Variants in SRPK2 observed in about 807,000 individuals in gnomAD.
SRPK2 encodes SFRS protein kinase 2.
In SRPK2, 21 loss-of-function variants were observed where a neutral mutation model predicts 90.8. That is an observed-to-expected ratio of 0.23 (90% CI 0.16 to 0.33). SRPK2 has a LOEUF of 0.33. Among genes scored for constraint, SRPK2 ranks in the 10% least tolerant of loss-of-function variants. The probability of loss-of-function intolerance (pLI) is 1.00; values close to 1 mark genes in which losing one functional copy is unlikely to be tolerated. For missense variants in SRPK2, 620 were observed against 869.0 expected (o/e 0.71, Z 3.60); for synonymous variants, 288 against 311.1 (o/e 0.93, Z 0.78).
intron 2 of SRPK2, among the ~76,000 whole-genome samples, chr7:105,321,493 ACTTTTCTGCATCAAATGACAT>A (rs1255566475): frequency 1.3e-5 from 2 of 152,318 alleles, no homozygotes; most frequent in African/African-American, 4.8e-5. Flanking sequence ...AAAATTAAAA[ACTTTTCTGCATCAAATGACAT>A]TATCAGGAAA....
chr7:105,281,773 A>G (rs908594718), intron 2 of SRPK2, among the ~76,000 whole-genome samples: 1 of 152,214 alleles, frequency 6.6e-6, no homozygotes, highest in Admixed American at 6.5e-5. Context: ...CAAGGCTTGT[A>G]CACTGAAAAC....
At chr7:105,319,464 T>C (rs1812658772) in intron 2 of SRPK2, among the ~76,000 whole-genome samples, 1 of 139,400 alleles carries the variant, frequency 7.2e-6, no homozygotes, top group Non-Finnish European at 1.5e-5. Context: ...TTTTTAGTTT[T>C]TATTTTCAAC....
chr7:105,157,577 A>G (rs554854871), intron 7 of SRPK2, among the ~76,000 whole-genome samples: 2 of 152,194 alleles, frequency 1.3e-5, no homozygotes, highest in African/African-American at 4.8e-5. Flanking sequence ...AGATTCCATG[A>G]TAATATTTTT....
At chr7:105,342,632 A>G (rs1815960226) in intron 2 of SRPK2, among the ~76,000 whole-genome samples, 2 of 152,084 alleles carry the variant, frequency 1.3e-5, no homozygotes, top group Admixed American at 1.3e-4. Flanking sequence ...TAAACTCAAC[A>G]CATACCAAAT....
At chr7:105,388,977 C>CGG, upstream of SRPK2, 2 of 1,074,872 alleles carry the variant, frequency 1.9e-6, no homozygotes, top group Non-Finnish European at 2.2e-6. Context: ...CGCCCCCGTC[C>CGG]GGCCCCGCCC....
rs56137233 is a variant in SRPK2 at position 105,285,427 on chromosome 7, G to C, written c.72-81642C>G. Among the ~76,000 whole-genome samples the C allele has an allele frequency of 3.4e-3, 493 of 144,566 alleles. 1 individual carries two copies. The highest frequency in any genetic ancestry group is 0.012 in the African/African-American group (461 of 38,808). The allele number at this position is 144,566 out of a possible 152,430, so 94.8% of individuals were successfully genotyped here. Reference sequence around the variant, plus strand: ...AAAAAAGGAAAAGGAAAAGAAAAAAGAAACAGCATTTTAAGCATGAAACAG... The same window carrying C: ...AAAAAAGGAAAAGGAAAAGAAAAAACAAACAGCATTTTAAGCATGAAACAG... On this transcript the variant is annotated intron_variant, in intron 2 of 15. Transcript: ENST00000393651.
chr7:105,257,808 A>G (rs1453197338), intron 2 of SRPK2, among the ~76,000 whole-genome samples: 1 of 152,196 alleles, frequency 6.6e-6, no homozygotes, highest in African/African-American at 2.4e-5. Context: ...TTATTTTAAG[A>G]AATTTAAAAA....
intron 2 of SRPK2, among the ~76,000 whole-genome samples, chr7:105,277,710 T>G (rs376314229): frequency 2.6e-5 from 4 of 152,168 alleles, no homozygotes; most frequent in Non-Finnish European, 5.9e-5. Context: ...AAAATCATCA[T>G]TGGTAAACTG....
At chr7:105,338,196 G>GA (rs1194454585) in intron 2 of SRPK2, among the ~76,000 whole-genome samples, 2 of 151,862 alleles carry the variant, frequency 1.3e-5, no homozygotes, top group African/African-American at 4.8e-5. Flanking sequence ...AAGGTGAGTA[G>GA]AAACTTTACC....
Position 105,325,486 on chromosome 7 carries a change from CAA to C in SRPK2, c.71+63160_71+63161del, listed in dbSNP as rs33959633. Among the ~76,000 whole-genome samples, 8 of 86,104 alleles carry C rather than the reference CAA, an allele frequency of 9.3e-5. No homozygotes were observed. In the East Asian group the frequency reaches 1.7e-3, roughly 19 times the overall value. 56.5% of individuals were successfully genotyped at this position (86,104 alleles called of 152,430 possible). ...GAACTAAGACTAGAAACCAAGTCTT[CAA>C]AAAAAAAAAAAAAAAATGATGTCCA... On this transcript the variant is annotated intron_variant, in intron 2 of 15. Coordinates refer to ENST00000393651, the MANE Select transcript of SRPK2 (RefSeq NM_182692.3).
intron 3 of SRPK2, among the ~76,000 whole-genome samples, chr7:105,170,934 G>GAAAGAAAGAAAGAAA (rs1213885011): frequency 1.4e-4 from 4 of 29,152 alleles, no homozygotes; most frequent in Admixed American, 4.3e-4. Flanking sequence ...AAAAGAAAAA[G>GAAAGAAAGAAAGAAA]GAAAGAAAGA....
intron 13 of SRPK2, among the ~76,000 whole-genome samples, chr7:105,129,485 C>T (rs1023874618): frequency 6.6e-6 from 1 of 152,190 alleles, no homozygotes; most frequent in Middle Eastern, 3.4e-3. Context: ...AGCGATTCTC[C>T]TGCCTCAGCC....
At position 105,132,984 on chromosome 7, in the gene SRPK2, A is replaced by G. The variant is rs779262061; in HGVS notation, c.1644+20T>C. On this transcript the variant is annotated intron_variant, in intron 12 of 15. Transcript: ENST00000393651. ...ACACAGAATCAAGACCAAAGGTTTT[A>G]GAAAGAAAACTCTACTTACCACCCA... The G allele has an allele frequency of 4.2e-5, 67 of 1,613,892 alleles. No homozygotes were observed. The Admixed American group carries it at 1.1e-3, about 26-fold the overall frequency.
intron 2 of SRPK2, among the ~76,000 whole-genome samples, chr7:105,381,555 T>C (rs1820956136): frequency 6.6e-6 from 1 of 152,180 alleles, no homozygotes; most frequent in African/African-American, 2.4e-5. Flanking sequence ...TGTCCTGCAA[T>C]GGTCTTTTCA....
intron 2 of SRPK2, among the ~76,000 whole-genome samples, chr7:105,323,718 G>C (rs563666980): frequency 2.6e-5 from 4 of 152,162 alleles, no homozygotes; most frequent in African/African-American, 7.2e-5. Flanking sequence ...ATTCTAAGAA[G>C]AACAAAGTGG....
At chr7:105,316,709 G>A (rs1308105785) in intron 2 of SRPK2, among the ~76,000 whole-genome samples, 1 of 152,176 alleles carries the variant, frequency 6.6e-6, no homozygotes, top group Non-Finnish European at 1.5e-5. Context: ...ACAAGGATAG[G>A]ACAAAGTTAC....
chr7:105,232,458 T>TAAAAAAAAAAAAAAAAAAAAAA (rs10533429), intron 2 of SRPK2, among the ~76,000 whole-genome samples: 5 of 132,062 alleles, frequency 3.8e-5, no homozygotes, highest in African/African-American at 1.4e-4. Flanking sequence ...AAACCTTATC[T>TAAAAAAAAAAAAAAAAAAAAAA]AAAAAAAAAA....
intron 2 of SRPK2, among the ~76,000 whole-genome samples, chr7:105,317,386 A>G (rs1163247134): frequency 1.3e-5 from 2 of 152,226 alleles, no homozygotes; most frequent in African/African-American, 4.8e-5. Context: ...TTCATATTCT[A>G]TGTGCTAAAA....
intron 2 of SRPK2, among the ~76,000 whole-genome samples, chr7:105,364,404 C>T (rs1211914582): frequency 1.7e-5 from 2 of 116,354 alleles, no homozygotes; most frequent in Non-Finnish European, 1.8e-5. Context: ...CCGTGTGTAA[C>T]GTTTTTTTTT....
Sources: gnomAD v4.1 joint callset for allele counts (sites outside exome capture counted in the v4.1 genomes callset) on GRCh38, gnomAD v4.1.1 for gene constraint, MANE v1.5 for transcripts, NCBI Gene and HGNC (gene_info 2026-07-23, HGNC 2026-07-21) for gene names.